Variants in AGBL3 observed in about 807,000 individuals in gnomAD.
AGBL3 encodes the protein cytosolic carboxypeptidase 3.
A neutral mutation model predicts 94.5 loss-of-function variants in AGBL3; 68 were observed. The ratio of observed to expected loss-of-function variants is 0.72; its 90% CI spans 0.59 to 0.88. The LOEUF (loss-of-function observed/expected upper bound fraction) is 0.88, where lower values mean the gene tolerates loss of function less well. Ranked by LOEUF, AGBL3 falls within the 40% of genes least tolerant of loss-of-function variation. The pLI, the probability that AGBL3 is intolerant of heterozygous loss-of-function variation, is 0.00. For synonymous variants in AGBL3, 354 were observed against 370.7 expected, an observed-to-expected ratio of 0.95 and a Z score of 0.52; for missense variants, 934 against 1,103.8, an observed-to-expected ratio of 0.85 and a Z score of 2.18.
chr7:134,994,501 TTCA>T (rs10694326), intron 4 of AGBL3, among the ~76,000 whole-genome samples: 10,384 of 152,238 alleles, frequency 0.068, 1,138 homozygotes, highest in African/African-American at 0.23. Context: ...CATCCCATTG[TTCA>T]TCATCTTTTC....
intron 5 of AGBL3, among the ~76,000 whole-genome samples, chr7:135,018,905 GA>G (rs1814110557): frequency 6.6e-6 from 1 of 152,116 alleles, no homozygotes; most frequent in Admixed American, 6.5e-5. Context: ...GGTGAGTTTT[GA>G]AAAATATATC....
intron 8 of AGBL3, among the ~76,000 whole-genome samples, chr7:135,042,599 CTA>C (rs1316172936): frequency 6.6e-6 from 1 of 152,018 alleles, no homozygotes; most frequent in Middle Eastern, 3.2e-3. Context: ...TTACAGGAAT[CTA>C]TATGTGTGTT....
At chr7:135,073,220 C>A (rs1289791114) in intron 12 of AGBL3, among the ~76,000 whole-genome samples, 1 of 152,062 alleles carries the variant, frequency 6.6e-6, no homozygotes, top group Non-Finnish European at 1.5e-5. Flanking sequence ...GTAATCCCAG[C>A]ACTATGGGAG....
chr7:134,998,347 C>G (rs1811265428), intron 4 of AGBL3, among the ~76,000 whole-genome samples: 1 of 152,174 alleles, frequency 6.6e-6, no homozygotes, highest in Admixed American at 6.5e-5. Flanking sequence ...TTTTGGGCAT[C>G]TAGGATAATT....
chr7:135,002,238 T>C (rs1210955944), intron 4 of AGBL3, among the ~76,000 whole-genome samples: 1 of 152,144 alleles, frequency 6.6e-6, no homozygotes, highest in African/African-American at 2.4e-5. Context: ...TACAGTGAAA[T>C]GATACAGACT....
chr7:135,030,454 T>C (rs1388495525), intron 5 of AGBL3, among the ~76,000 whole-genome samples: 3 of 152,248 alleles, frequency 2.0e-5, no homozygotes, highest in Admixed American at 6.5e-5. Context: ...TGGAAAATCA[T>C]AAGTCAAACC....
chr7:135,075,172 T>G (rs994725476), intron 12 of AGBL3, among the ~76,000 whole-genome samples: 1 of 152,144 alleles, frequency 6.6e-6, no homozygotes, highest in Non-Finnish European at 1.5e-5. Context: ...ATTTCCATGA[T>G]CATAAGGATC....
chr7:135,061,607 A>G (rs1250065439), intron 12 of AGBL3, among the ~76,000 whole-genome samples: 1 of 152,044 alleles, frequency 6.6e-6, no homozygotes, highest in Non-Finnish European at 1.5e-5. Flanking sequence ...TTGCATGTGG[A>G]TATCTTATTG....
At chr7:135,043,348 A>T (rs989440910) in intron 8 of AGBL3, among the ~76,000 whole-genome samples, 6 of 152,234 alleles carry the variant, frequency 3.9e-5, no homozygotes, top group African/African-American at 1.4e-4. Flanking sequence ...AGCTAGGGAC[A>T]GAAAGACAAA....
Position 135,032,861 on chromosome 7 carries a change from T to C in AGBL3, c.436T>C (p.Phe146Leu), listed in dbSNP as rs1338355270. 1 of 1,549,342 alleles carries C rather than the reference T, an allele frequency of 6.5e-7. No individual in the cohort carries two copies. Among genetic ancestry groups the C allele is most frequent in the Admixed American group, 2.0e-5 (1 of 50,588 alleles). The change falls in exon 6 of 17, where the codon TTT (phenylalanine) becomes CTT (leucine). Residue 146 changes from phenylalanine (F) to leucine (L), a missense_variant. Coordinates refer to ENST00000436302, the MANE Select transcript of AGBL3 (RefSeq NM_178563.4). ...LAEDAYKEPCFVYSRVGGNRT... is the reference protein window; with the variant it reads ...LAEDAYKEPCLVYSRVGGNRT... Reference sequence around the variant, plus strand: ...CTCATCAGCTTACAAAGAGCCCTGTTTTGTGTATTCCCGAGTTGGGGGTAA... The same window carrying C: ...CTCATCAGCTTACAAAGAGCCCTGTCTTGTGTATTCCCGAGTTGGGGGTAA...
At chr7:135,105,564 GCTCT>G (rs756736965) in intron 15 of AGBL3, among the ~76,000 whole-genome samples, 13 of 152,254 alleles carry the variant, frequency 8.5e-5, no homozygotes, top group Non-Finnish European at 1.3e-4. Flanking sequence ...TTATTTCTGG[GCTCT>G]CTATTTGGTT....
chr7:135,037,573 C>T lies in AGBL3; in HGVS notation c.1493C>T (p.Pro498Leu). Residue 498 changes from proline (P) to leucine (L), a missense_variant, in exon 8 of 17, where the codon CCA becomes CTA. Physicochemically the swap from Pro to Leu is moderately conservative, Grantham distance 98. Around this residue, in one of 3 missense-constraint regions of AGBL3, gnomAD observed 441 missense variants for 518.2 expected, o/e 0.85. Transcript: ENST00000436302. ...IFPLMLSKNC[P>L]DKFSFSACKF... ...CCACTTATGCTAAGCAAAAATTGTC[C>T]AGATAAAGTAAGCACCTTTTAAGGT... is the stretch of plus-strand genomic sequence containing the variant. 6.5e-7 allele frequency: 1 copy of T among 1,537,312 alleles called. No homozygotes were observed. The highest frequency in any genetic ancestry group is 8.8e-7 in the Non-Finnish European group (1 of 1,141,422).
At chr7:135,061,467 A>G (rs1818834526) in intron 12 of AGBL3, among the ~76,000 whole-genome samples, 1 of 152,112 alleles carries the variant, frequency 6.6e-6, no homozygotes, top group African/African-American at 2.4e-5. Flanking sequence ...GATTGCCCAG[A>G]CCAATGTCAT....
chr7:135,110,527 T>C (rs1391441661), intron 15 of AGBL3, among the ~76,000 whole-genome samples: 1 of 152,148 alleles, frequency 6.6e-6, no homozygotes, highest in African/African-American at 2.4e-5. Context: ...GCTGCAAAGA[T>C]CTGTGGGAGA....
chr7:135,047,800 T>C (rs1563215333), intron 11 of AGBL3, among the ~76,000 whole-genome samples: 1 of 151,782 alleles, frequency 6.6e-6, no homozygotes, highest in South Asian at 2.1e-4. Flanking sequence ...AGTTTGCACA[T>C]TTTTTTTCCA....
chr7:135,115,364 T>C lies in AGBL3; in HGVS notation c.2111-16T>C. On this transcript the variant is annotated splice_polypyrimidine_tract_variant and intron_variant, in intron 15 of 16. Transcript: ENST00000436302. ...GAGTTCATATCTCTGTACATATTTTTGTGGTTGCTCCCCAGATCTGCACCA... is the reference window on the plus strand; with the variant it reads ...GAGTTCATATCTCTGTACATATTTTCGTGGTTGCTCCCCAGATCTGCACCA... 6.8e-7 allele frequency: 1 copy of C among 1,479,088 alleles called. No individual in the cohort carries two copies. Among genetic ancestry groups the C allele is most frequent in the Non-Finnish European group, 9.2e-7 (1 of 1,084,646 alleles). 91.6% of individuals were successfully genotyped at this position (1,479,088 alleles called of 1,614,324 possible). A position where few individuals can be genotyped will look rare whatever the true frequency, so the allele number is the denominator to read the frequency against.
intron 15 of AGBL3, among the ~76,000 whole-genome samples, chr7:135,115,042 T>A (rs562919488): frequency 1.3e-5 from 2 of 152,298 alleles, no homozygotes; most frequent in East Asian, 3.9e-4. Context: ...GGCCTTTGTC[T>A]CGAATTATCT....
At chr7:135,114,927 T>TA in intron 15 of AGBL3, among the ~76,000 whole-genome samples, 1 of 152,340 alleles carries the variant, frequency 6.6e-6, no homozygotes, top group Non-Finnish European at 1.5e-5. Flanking sequence ...CCATGTTACC[T>TA]ACCTAAATTT....
At chr7:135,023,868 C>T (rs1175038967) in intron 5 of AGBL3, among the ~76,000 whole-genome samples, 2 of 152,248 alleles carry the variant, frequency 1.3e-5, no homozygotes, top group African/African-American at 4.8e-5. Flanking sequence ...CATCTGAATA[C>T]TTCCCAGTGG....
Sources: gnomAD v4.1 joint callset for allele counts (sites outside exome capture counted in the v4.1 genomes callset) on GRCh38, gnomAD v4.1.1 for gene constraint, gnomAD v4.1.1 regional missense constraint, MANE v1.5 for transcripts, NCBI Gene and HGNC (gene_info 2026-07-23, HGNC 2026-07-21) for gene names.